Variants in PTDSS1 observed in about 807,000 individuals in gnomAD.
PTDSS1 encodes the protein phosphatidylserine synthase 1, also known as PSS-1.
Under a neutral mutation model 70.5 loss-of-function variants are expected in PTDSS1, and 45 were observed. The observed-to-expected ratio is 0.64, with a 90% CI of 0.50 to 0.82. PTDSS1 has a LOEUF of 0.82. Ranked by LOEUF, PTDSS1 falls within the 40% of genes least tolerant of loss-of-function variation. PTDSS1 has a pLI of 0.00. For missense variants in PTDSS1, 417 were observed against 586.1 expected (o/e 0.71, Z 2.98); for synonymous variants, 188 against 203.8 (o/e 0.92, Z 0.66).
At position 96,333,714 on chromosome 8, in the gene PTDSS1, G is replaced by A. The variant is rs940482941; in HGVS notation, c.*148G>A. 1 of 806,740 alleles carries A rather than the reference G, an allele frequency of 1.2e-6. No individual in the cohort carries two copies. The highest frequency in any genetic ancestry group is 2.1e-6 in the Non-Finnish European group (1 of 474,128). 50.0% of individuals were successfully genotyped at this position (806,740 alleles called of 1,614,324 possible). Reference sequence around the variant, plus strand: ...TGGGGGTCATTATTTGAGATCGTAAGTCTTGTTTCCCACAGACCTGGCCGC... The same window carrying A: ...TGGGGGTCATTATTTGAGATCGTAAATCTTGTTTCCCACAGACCTGGCCGC... On this transcript the variant is annotated 3_prime_UTR_variant, in exon 13 of 13. Coordinates refer to ENST00000517309, the MANE Select transcript of PTDSS1 (RefSeq NM_014754.3).
At chr8:96,270,219 C>G (rs1365726997) in intron 1 of PTDSS1, among the ~76,000 whole-genome samples, 1 of 152,066 alleles carries the variant, frequency 6.6e-6, no homozygotes, top group Non-Finnish European at 1.5e-5. Flanking sequence ...TAGAGTGTTA[C>G]AAAGATTCAG....
chr8:96,316,157 C>G (rs934340707), intron 9 of PTDSS1, among the ~76,000 whole-genome samples: 1 of 152,176 alleles, frequency 6.6e-6, no homozygotes, highest in African/African-American at 2.4e-5. Flanking sequence ...CCTACCACTT[C>G]TCACCATCTC....
rs181393247 is a variant in PTDSS1, at chr8:96,331,546, G to T, written c.1312+451G>T. 2.4e-3 allele frequency among the ~76,000 whole-genome samples: 364 copies of T among 151,280 alleles called. 1 individual carries two copies. Among genetic ancestry groups the T allele is most frequent in the African/African-American group, 8.5e-3 (352 of 41,196 alleles). On this transcript the variant is annotated intron_variant, in intron 12 of 12. Coordinates refer to ENST00000517309, the MANE Select transcript of PTDSS1 (RefSeq NM_014754.3). ...TCTGTCTCAAAACCACGGCACTCCAGTCTCGGCAGCAGAGTAAGACTCTGT... is the reference window on the plus strand; with the variant it reads ...TCTGTCTCAAAACCACGGCACTCCATTCTCGGCAGCAGAGTAAGACTCTGT...
intron 12 of PTDSS1, 109 bp downstream of exon 12, chr8:96,331,204 A>G: frequency 9.7e-7 from 1 of 1,035,052 alleles, no homozygotes; most frequent in Non-Finnish European, 1.5e-6. Context: ...TCTCAGGCCT[A>G]CCCATTGAAT....
rs377498589 is a variant in PTDSS1 at position 96,320,312 on chromosome 8, A to G, written c.1140A>G (p.Gln380=). 1.7e-5 allele frequency: 28 copies of G among 1,613,172 alleles called. No individual in the cohort carries two copies. The African/African-American group carries it at 3.7e-4, about 22-fold the overall frequency. ...GACAAGATCTCTTCTCTAAGACCCA[A>G]ATACTCTATGTTGTGCTTTGGCTTC... The part of the protein sequence containing the change: ...KFGQDLFSKT[Q]ILYVVLWLLC... Residue 380 remains glutamine, a synonymous_variant, in exon 10 of 13, where the codon CAA becomes CAG. Transcript: ENST00000517309.
chr8:96,297,187 GT>G (rs564260062), intron 5 of PTDSS1, among the ~76,000 whole-genome samples: 1 of 150,960 alleles, frequency 6.6e-6, no homozygotes, highest in Non-Finnish European at 1.5e-5. Flanking sequence ...CCATTACTCT[GT>G]TTTTTTTTGA....
At chr8:96,330,072 C>A in intron 10 of PTDSS1, 141 bp from the exon 11 acceptor site, 1 of 746,312 alleles carries the variant, frequency 1.3e-6, no homozygotes, top group Non-Finnish European at 2.3e-6. Flanking sequence ...GAGGTCTGAT[C>A]TCTGCCACGT....
Position 96,262,261 on chromosome 8 carries a change from G to T in PTDSS1, c.179+42G>T. On this transcript the variant is annotated intron_variant, in intron 1 of 12. Coordinates refer to ENST00000517309, the MANE Select transcript of PTDSS1 (RefSeq NM_014754.3). This position sits in a 1 kb window ranked among gnomAD's most constrained non-coding sequence, Gnocchi z 4.4. ...GAGCGGGGGGCGCGTCCAAGGGCTA[G>T]GGAAGAGGCGGGAGGGAGGGTGGCG... 2.5e-6 allele frequency: 4 copies of T among 1,572,946 alleles called. No homozygotes were observed. The South Asian group carries it at 4.5e-5, about 18-fold the overall frequency.
chr8:96,278,972 C>CTTTTT (rs36085094), intron 2 of PTDSS1, among the ~76,000 whole-genome samples: 4 of 122,632 alleles, frequency 3.3e-5, no homozygotes, highest in Non-Finnish European at 6.6e-5. Context: ...TTCAGCCCCC[C>CTTTTT]TTTTTTTTTT....
intron 9 of PTDSS1, among the ~76,000 whole-genome samples, chr8:96,319,495 T>TA (rs10626615): frequency 8.0e-5 from 12 of 150,552 alleles, no homozygotes; most frequent in East Asian, 2.0e-4. Context: ...TGGCGTTTCT[T>TA]AAAAAAAAAC....
intron 5 of PTDSS1, among the ~76,000 whole-genome samples, chr8:96,297,357 T>C (rs1810990201): frequency 6.6e-6 from 1 of 152,114 alleles, no homozygotes; most frequent in Non-Finnish European, 1.5e-5. Flanking sequence ...TTTTTATTTT[T>C]AGTAGAGATG....
rs184841579 is a variant in PTDSS1, at chr8:96,331,039, G to A, written c.1256G>A (p.Cys419Tyr). ...YGHREKTYSE[C>Y]EDGTYSPEIS... is the part of the protein sequence containing the mutation. The stretch of plus-strand genomic sequence containing the variant: ...CTCTCTCCCTAGACCTACTCGGAGT[G>A]TGAAGATGGCACCTACAGTCCAGAG... Residue 419 changes from cysteine (C) to tyrosine (Y), a missense_variant, in exon 12 of 13, where the codon TGT becomes TAT. Cys to Tyr is a radical substitution (Grantham distance 194). Around this residue, in one of 3 missense-constraint regions of PTDSS1, gnomAD observed 107 missense variants for 122.3 expected, o/e 0.88. Transcript: ENST00000517309. The A allele has an allele frequency of 5.0e-6, 8 of 1,613,358 alleles. No homozygotes were observed. The Admixed American group carries it at 1.2e-4, about 24-fold the overall frequency.
chr8:96,276,181 A>G (rs1197867616), intron 2 of PTDSS1, among the ~76,000 whole-genome samples: 1 of 152,174 alleles, frequency 6.6e-6, no homozygotes, highest in Non-Finnish European at 1.5e-5. Context: ...TAGTCTCTCA[A>G]TAGTTGTGAT....
At chr8:96,326,182 T>C (rs1273759272) in intron 10 of PTDSS1, among the ~76,000 whole-genome samples, 1 of 152,206 alleles carries the variant, frequency 6.6e-6, no homozygotes, top group East Asian at 1.9e-4. Flanking sequence ...CGCTGTTTTC[T>C]CTGCCTGATC....
rs750371764 is a variant in PTDSS1, at chr8:96,309,514, G to C, written c.1008-43G>C. ...GATTTAATTATGTGCTGACTTGCTG[G>C]TCTTCCAGCAGCTCTCAATGAATTC... On this transcript the variant is annotated intron_variant, in intron 8 of 12. Transcript: ENST00000517309. The C allele has an allele frequency of 3.2e-6, 5 of 1,570,098 alleles. No individual in the cohort carries two copies. In the East Asian group the frequency reaches 6.7e-5, roughly 21 times the overall value.
At chr8:96,307,375 A>C (rs1186107349) in intron 8 of PTDSS1, among the ~76,000 whole-genome samples, 2 of 147,264 alleles carry the variant, frequency 1.4e-5, no homozygotes, top group Non-Finnish European at 3.0e-5. Flanking sequence ...CTCACTTGCC[A>C]AGGACAGTAG....
chr8:96,314,885 C>G (rs533310130), intron 9 of PTDSS1, among the ~76,000 whole-genome samples: 2 of 152,260 alleles, frequency 1.3e-5, no homozygotes, highest in African/African-American at 4.8e-5. Context: ...CGTGAGCCAC[C>G]ACGCCTGGCC....
At chr8:96,266,162 A>G (rs1014213770) in intron 1 of PTDSS1, among the ~76,000 whole-genome samples, 4 of 152,244 alleles carry the variant, frequency 2.6e-5, no homozygotes, top group Non-Finnish European at 5.9e-5. Flanking sequence ...ATTAATTCAC[A>G]TTCAAAGAAG....
At chr8:96,265,560 A>G (rs948434583) in intron 1 of PTDSS1, among the ~76,000 whole-genome samples, 3 of 152,166 alleles carry the variant, frequency 2.0e-5, no homozygotes, top group Non-Finnish European at 4.4e-5. Context: ...CCTGGACAAC[A>G]TGGTGTAACC....
Sources: gnomAD v4.1 joint callset for allele counts (sites outside exome capture counted in the v4.1 genomes callset) on GRCh38, gnomAD v4.1.1 for gene constraint, gnomAD v4.1.1 regional missense constraint, Gnocchi (gnomAD v3.1) non-coding constraint, MANE v1.5 for transcripts, NCBI Gene and HGNC (gene_info 2026-07-23, HGNC 2026-07-21) for gene names.